The following DNA2 variants were observed in gnomAD, a reference collection of about 807,000 sequenced individuals.
DNA2 encodes DNA replication ATP-dependent helicase/nuclease DNA2.
DNA2 carries 101 observed loss-of-function variants against 119.1 expected under a neutral mutation model. That is an observed-to-expected ratio of 0.85 (90% confidence interval 0.72 to 1.00). DNA2 has a LOEUF of 1.00. Ranked by LOEUF, DNA2 falls within the 50% of genes least tolerant of loss-of-function variation. The pLI, the probability that DNA2 is intolerant of heterozygous loss-of-function variation, is 0.00. For synonymous variants in DNA2, 366 were observed against 424.4 expected (o/e 0.86, Z 1.69); for missense variants, 1,121 against 1,255.5 (o/e 0.89, Z 1.62).
At chr10:68,469,900 A>G (rs2052366205) in intron 2 of DNA2, 81 bp downstream of exon 2, 1 of 1,222,684 alleles carries the variant, frequency 8.2e-7, no homozygotes, top group Admixed American at 2.9e-5. Context: ...AATTATAGTA[A>G]CATTCACAGA....
Position 68,432,495 on chromosome 10 carries a change from A to G in DNA2, c.1662T>C (p.Leu554=). ...TCLLDRNLSV[L]PESTLFRLDQ... ...CTAATCTGAACAAAGTTGATTCTGGAAGGACCGACAAGTTTCTAAAACAAC... is the reference window on the plus strand; with the variant it reads ...CTAATCTGAACAAAGTTGATTCTGGGAGGACCGACAAGTTTCTAAAACAAC... Residue 554 remains leucine (L), a synonymous_variant, in exon 11 of 21, where the codon CTT becomes CTC. Coordinates refer to ENST00000358410, the MANE Select transcript of DNA2 (RefSeq NM_001080449.3). 1 of 1,553,254 alleles carries G rather than the reference A, an allele frequency of 6.4e-7. No homozygotes were observed. The highest frequency in any genetic ancestry group is 8.7e-7 in the Non-Finnish European group (1 of 1,145,718).
At position 68,416,707 on chromosome 10, in the gene DNA2, AT is replaced by A. The variant is rs770910097; in HGVS notation, c.3114+1del. 2 of 1,611,152 alleles carry A rather than the reference AT, an allele frequency of 1.2e-6. No homozygotes were observed. Among genetic ancestry groups the A allele is most frequent in the Admixed American group, 3.3e-5 (2 of 59,976 alleles). ...TGACCATATACAGAAGAAAAAGGATATTAATTTTTCTGAGTTTAAATGATTA... is the reference window on the plus strand; with the variant it reads ...TGACCATATACAGAAGAAAAAGGATATAATTTTTCTGAGTTTAAATGATTA... On this transcript the variant is annotated splice_donor_variant, in intron 20 of 20. Transcript: ENST00000358410. LOFTEE classifies it high-confidence loss of function.
In DNA2 at chr10:68,459,148, C is replaced by A; in HGVS notation, c.675G>T (p.Met225Ile). The A allele has an allele frequency of 6.3e-7, 1 of 1,597,852 alleles. No homozygotes were observed. Among genetic ancestry groups the A allele is most frequent in the Non-Finnish European group, 8.5e-7 (1 of 1,171,442 alleles). ...GGAAGTCAGTCGAAGTGTTTTTATG[C>A]ATGAAATCTCCTGCCCATTTACAAA... The part of the protein sequence containing the change: ...PSFCKWAGDF[M>I]HKNTSTDFPQ... Residue 225 changes from methionine (M) to isoleucine (I), a missense_variant, in exon 5 of 21, where the codon ATG becomes ATT. Physicochemically the swap from Met to Ile is conservative, Grantham distance 10. Coordinates refer to ENST00000358410, the MANE Select transcript of DNA2 (RefSeq NM_001080449.3).
At chr10:68,427,390 TG>T (rs1428140677) in intron 14 of DNA2, among the ~76,000 whole-genome samples, 1 of 150,300 alleles carries the variant, frequency 6.7e-6, no homozygotes, top group African/African-American at 2.5e-5. Context: ...CTGGATGCAG[TG>T]GCTCACATCT....
In DNA2 at chr10:68,432,262, T is replaced by A. The variant is rs1339331526; in HGVS notation, c.1817A>T (p.Tyr606Phe). Residue 606 changes from tyrosine to phenylalanine, a missense_variant, in exon 12 of 21, where the codon TAC (tyrosine) becomes TTC (phenylalanine). Coordinates refer to ENST00000358410, the MANE Select transcript of DNA2 (RefSeq NM_001080449.3). ...ATCATGTGGAAGAACAGAACTAAGGTAGGATATAAACTGAGGTTCACGAAA... is the reference window on the plus strand; with the variant it reads ...ATCATGTGGAAGAACAGAACTAAGGAAGGATATAAACTGAGGTTCACGAAA... Reference protein sequence around the residue: ...IDFREPQFISYLSSVLPHDAK... With the variant: ...IDFREPQFISFLSSVLPHDAK... 6.2e-7 allele frequency: 1 copy of A among 1,609,706 alleles called. No homozygotes were observed. Among genetic ancestry groups the A allele is most frequent in the Admixed American group, 1.7e-5 (1 of 58,916 alleles).
chr10:68,471,729 T>G, intron 1 of DNA2, 62 bp downstream of exon 1: 1 of 1,489,864 alleles, frequency 6.7e-7, no homozygotes. Context: ...GGACGCAGCC[T>G]CTCCCGCTCC....
intron 6 of DNA2, among the ~76,000 whole-genome samples, chr10:68,447,877 G>A (rs1168577714): frequency 5.3e-5 from 8 of 151,698 alleles, no homozygotes; most frequent in Middle Eastern, 3.4e-3. Context: ...CCAGCTACTC[G>A]GGAGGCTGAG....
At chr10:68,441,010 G>C (rs1294257712) in intron 9 of DNA2, among the ~76,000 whole-genome samples, 2 of 151,924 alleles carry the variant, frequency 1.3e-5, no homozygotes, top group Non-Finnish European at 2.9e-5. Context: ...GCAAGACCCT[G>C]TTTCTATAAT....
intron 5 of DNA2, among the ~76,000 whole-genome samples, chr10:68,458,399 G>A (rs549228522): frequency 2.6e-5 from 4 of 151,916 alleles, no homozygotes; most frequent in African/African-American, 9.7e-5. Context: ...CGGGTATGGT[G>A]GTGGGCGCCT....
intron 9 of DNA2, among the ~76,000 whole-genome samples, chr10:68,442,579 G>A (rs558899590): frequency 1.3e-5 from 2 of 152,300 alleles, no homozygotes; most frequent in African/African-American, 4.8e-5. Flanking sequence ...TAAAGACGGG[G>A]TTTTGCCATG....
chr10:68,447,277 G>T (rs1478301253), intron 6 of DNA2, among the ~76,000 whole-genome samples: 2 of 152,154 alleles, frequency 1.3e-5, no homozygotes, highest in East Asian at 3.9e-4. Context: ...CAGCACTTTG[G>T]AAGGCCAACG....
chr10:68,448,463 A>T (rs2052070742), intron 6 of DNA2, among the ~76,000 whole-genome samples: 2 of 152,108 alleles, frequency 1.3e-5, no homozygotes, highest in African/African-American at 2.4e-5. Context: ...GTAGGGAAAC[A>T]TTTTTTTCCT....
At chr10:68,472,066 GC>G, upstream of DNA2, 2 of 1,590,862 alleles carry the variant, frequency 1.3e-6, no homozygotes, top group Non-Finnish European at 1.7e-6. Context: ...GAGCAGCAGG[GC>G]TCTGTCCCCT....
chr10:68,429,763 A>G (rs117030126), intron 14 of DNA2, among the ~76,000 whole-genome samples: 6,747 of 149,840 alleles, frequency 0.045, 327 homozygotes, highest in East Asian at 0.24. Flanking sequence ...CTCCCAGTAT[A>G]AATAAACATT....
chr10:68,470,077 G>A lies in DNA2; in HGVS notation c.161C>T (p.Thr54Ile). Residue 54 changes from threonine (T) to isoleucine (I), a missense_variant, in exon 2 of 21, where the codon ACT (threonine) becomes ATT (isoleucine). Transcript: ENST00000358410. The stretch of plus-strand genomic sequence containing the variant: ...ACAGTTTCCCTCTTTGTTCTGTACA[G>A]TATTGACTGCCAACACCAGGTACCG... Reference protein sequence around the residue: ...DNRYLVLAVNTVQNKEGNCEK... With the variant: ...DNRYLVLAVNIVQNKEGNCEK... 6.2e-7 allele frequency: 1 copy of A among 1,613,840 alleles called. No homozygotes were observed.
intron 5 of DNA2, among the ~76,000 whole-genome samples, chr10:68,456,710 AC>A (rs570915752): frequency 9.2e-4 from 139 of 151,154 alleles, no homozygotes; most frequent in African/African-American, 3.2e-3. Flanking sequence ...CCATGCCCGG[AC>A]CCCCTTAAAG....
intron 19 of DNA2, among the ~76,000 whole-genome samples, chr10:68,417,104 C>G (rs570340887): frequency 6.6e-6 from 1 of 151,874 alleles, no homozygotes; most frequent in Non-Finnish European, 1.5e-5. Context: ...ATCAGCCAGG[C>G]GTGGTGGTGT....
rs369805809 is a variant in DNA2 at position 68,446,288 on chromosome 10, G to T, written c.1057+8C>A. ...AAAGAAGTAAAACTAAAAAAAAAAC[G>T]GCTCAACCTCTTTTATCTAGATGGT... On this transcript the variant is annotated splice_region_variant and intron_variant, in intron 7 of 20. Coordinates refer to ENST00000358410, the MANE Select transcript of DNA2 (RefSeq NM_001080449.3). The T allele has an allele frequency of 1.3e-6, 2 of 1,500,208 alleles. No homozygotes were observed. Among genetic ancestry groups the T allele is most frequent in the Non-Finnish European group, 1.8e-6 (2 of 1,105,314 alleles). 92.9% of individuals were successfully genotyped at this position (1,500,208 alleles called of 1,614,324 possible). A position where few individuals can be genotyped will look rare whatever the true frequency, so the allele number is the denominator to read the frequency against.
chr10:68,444,165 G>A (rs561932213), intron 8 of DNA2, among the ~76,000 whole-genome samples: 1 of 151,828 alleles, frequency 6.6e-6, no homozygotes, highest in Non-Finnish European at 1.5e-5. Flanking sequence ...GCCGAGGTGG[G>A]CGGATCACGA....
Sources: gnomAD v4.1 joint callset for allele counts (sites outside exome capture counted in the v4.1 genomes callset) on GRCh38, gnomAD v4.1.1 for gene constraint, MANE v1.5 for transcripts, NCBI Gene and HGNC (gene_info 2026-07-23, HGNC 2026-07-21) for gene names.